NUP43: variants seen among roughly 807,000 people sequenced by gnomAD.
The protein encoded by NUP43 is nucleoporin 43, also known as nucleoporin Nup43.
In NUP43, 32 loss-of-function variants were observed where a neutral mutation model predicts 47.3. The observed-to-expected ratio is 0.68, with a 90% CI of 0.51 to 0.91. NUP43 has a LOEUF of 0.91. NUP43 is among the 40% of genes least tolerant of loss of function. NUP43 has a pLI of 0.00. For missense variants in NUP43, 444 were observed against 453.9 expected, an observed-to-expected ratio of 0.98 and a Z score of 0.20; for synonymous variants, 147 against 158.4, an observed-to-expected ratio of 0.93 and a Z score of 0.54.
At chr6:149,735,165 C>CG (rs2115104669) in intron 6 of NUP43, among the ~76,000 whole-genome samples, 1 of 152,142 alleles carries the variant, frequency 6.6e-6, no homozygotes, top group African/African-American at 2.4e-5. Flanking sequence ...TGGACTCAAG[C>CG]AATCCTCCTG....
chr6:149,735,179 C>T (rs548375104), intron 6 of NUP43, among the ~76,000 whole-genome samples: 8 of 152,114 alleles, frequency 5.3e-5, no homozygotes, highest in South Asian at 2.1e-4. Context: ...CCTCCTGCCT[C>T]GGCCTCCTGA....
chr6:149,744,322 G>A (rs887820544), intron 2 of NUP43, among the ~76,000 whole-genome samples: 12 of 150,578 alleles, frequency 8.0e-5, no homozygotes, highest in Non-Finnish European at 1.3e-4. Context: ...TCAGGAGTTC[G>A]AGACCAGCCT....
chr6:149,746,276 G>C, intron 1 of NUP43, 100 bp downstream of exon 1: 3 of 1,526,956 alleles, frequency 2.0e-6, no homozygotes, highest in Non-Finnish European at 2.7e-6. Flanking sequence ...CTAAAAGTGC[G>C]AGAAGAACCA....
intron 2 of NUP43, among the ~76,000 whole-genome samples, chr6:149,744,711 C>T (rs985602802): frequency 1.3e-5 from 2 of 151,582 alleles, no homozygotes; most frequent in African/African-American, 4.8e-5. Context: ...TGGCATGTGC[C>T]TGTTGTCCCA....
rs535084776 is a variant in NUP43, at chr6:149,736,415, A to AT, written c.790+55dup. On this transcript the variant is annotated intron_variant, in intron 6 of 7. Coordinates refer to ENST00000340413, the MANE Select transcript of NUP43 (RefSeq NM_198887.3). The stretch of plus-strand genomic sequence containing the variant: ...CATGTATCATTATGGAAAGGTGCTT[A>AT]TTATATGTCATATAACTCACCCAAT... 1.6e-4 allele frequency: 206 copies of AT among 1,301,854 alleles called. No individual in the cohort carries two copies. The African/African-American group carries it at 2.6e-3, about 16-fold the overall frequency. The allele number at this position is 1,301,854 out of a possible 1,614,324, so 80.6% of individuals were successfully genotyped here.
Position 149,743,683 on chromosome 6 carries a change from T to A in NUP43, c.276A>T (p.Ser92=). 1 of 1,611,774 alleles carries A rather than the reference T, an allele frequency of 6.2e-7. No individual in the cohort carries two copies. Among genetic ancestry groups the A allele is most frequent in the Non-Finnish European group, 8.5e-7 (1 of 1,178,470 alleles). Residue 92 remains serine (S), a synonymous_variant, in exon 3 of 8, where the codon TCA becomes TCT. Transcript: ENST00000340413. ...FFDQERIVAA[S]STGCVTVFLH... is the part of the protein sequence containing the mutation. ...GGAAAACTGTTACACATCCTGTTGA[T>A]GAAGCAGCGACAATTCTTTCCTGGT...
chr6:149,746,259 G>A, intron 1 of NUP43, 117 bp downstream of exon 1: 1 of 1,464,776 alleles, frequency 6.8e-7, no homozygotes, highest in South Asian at 1.3e-5. Flanking sequence ...ACAGGGGTCC[G>A]GGGGACCTAA....
Position 149,738,798 on chromosome 6 carries a change from T to G in NUP43, c.503-20A>C, listed in dbSNP as rs1237406605. The G allele has an allele frequency of 1.4e-6, 2 of 1,450,962 alleles. No individual in the cohort carries two copies. The highest frequency in any genetic ancestry group is 2.5e-5 in the East Asian group (1 of 39,700). The allele number at this position is 1,450,962 out of a possible 1,614,324, so 89.9% of individuals were successfully genotyped here. ...CATTGTCTAAAAATTTAAAAAATGG[T>G]AGTATGTGTTAATGAGTCCCCTTTT... is the stretch of plus-strand genomic sequence containing the variant. On this transcript the variant is annotated intron_variant, in intron 4 of 7. Transcript: ENST00000340413.
intron 5 of NUP43, 41 bp from the exon 6 acceptor site, chr6:149,736,663 T>C (rs1350392286): frequency 6.6e-7 from 1 of 1,516,082 alleles, no homozygotes; most frequent in Non-Finnish European, 9.0e-7. Flanking sequence ...TCAAATAAAG[T>C]ATAATTTATC....
chr6:149,740,505 T>C (rs1785593708), intron 4 of NUP43, among the ~76,000 whole-genome samples: 1 of 152,050 alleles, frequency 6.6e-6, no homozygotes. Flanking sequence ...GGCGTGCGCC[T>C]GTAGTCCCAG....
chr6:149,737,390 C>T (rs1785424052), intron 5 of NUP43, among the ~76,000 whole-genome samples: 2 of 151,936 alleles, frequency 1.3e-5, no homozygotes, highest in Admixed American at 6.6e-5. Flanking sequence ...GAGCCTTTTG[C>T]CTCAGCCTCC....
At chr6:149,736,442 T>C in intron 6 of NUP43, 29 bp downstream of exon 6, 1 of 1,524,110 alleles carries the variant, frequency 6.6e-7, no homozygotes, top group Non-Finnish European at 8.9e-7. Context: ...TCACCCAATA[T>C]AAACTTTCTG....
At chr6:149,729,963 C>A (rs995794518) in intron 7 of NUP43, among the ~76,000 whole-genome samples, 1 of 151,744 alleles carries the variant, frequency 6.6e-6, no homozygotes, top group Non-Finnish European at 1.5e-5. Context: ...AGTGCATGGT[C>A]TTTGGCTGAC....
At position 149,742,540 on chromosome 6, in the gene NUP43, C is replaced by T. The variant is rs1189061841; in HGVS notation, c.352G>A (p.Ala118Thr). ...CTGCCAGGGCCTGTGTGGTAGTGAG[C>T]TGTAGTCCACTGCTGGTTGACTGAC... ...TLSVNQQWTTAHYHTGPGSPS... is the reference protein window; with the variant it reads ...TLSVNQQWTTTHYHTGPGSPS... Residue 118 changes from alanine (A) to threonine (T), a missense_variant, in exon 4 of 8, where the codon GCT (alanine) becomes ACT (threonine). Transcript: ENST00000340413. 4.3e-6 allele frequency: 7 copies of T among 1,614,120 alleles called. No homozygotes were observed. The highest frequency in any genetic ancestry group is 1.1e-5 in the South Asian group (1 of 91,086).
In NUP43 at chr6:149,742,445, C is replaced by T. The variant is rs1226454366; in HGVS notation, c.447G>A (p.Glu149=). The change falls in exon 4 of 8, where the codon GAG becomes GAA. Residue 149 remains glutamate, a synonymous_variant. Transcript: ENST00000340413. ...CTCTGAAGAGATTTATTCGACCATC[C>T]TCTCCAACTGTAACGATTTCTGGGT... ...CNNPEIVTVG[E]DGRINLFRAD... is the part of the protein sequence containing the mutation. 8 of 1,614,174 alleles carry T rather than the reference C, an allele frequency of 5.0e-6. No homozygotes were observed. The highest frequency in any genetic ancestry group is 5.9e-6 in the Non-Finnish European group (7 of 1,180,032).
intron 6 of NUP43, 130 bp from the exon 7 acceptor site, chr6:149,731,865 A>G (rs1785062721): frequency 1.1e-6 from 1 of 884,972 alleles, no homozygotes; most frequent in South Asian, 1.8e-5. Context: ...TCTGTCCTAA[A>G]AATTAAAGGC....
At chr6:149,728,236 T>G in intron 7 of NUP43, 1 of 977,962 alleles carries the variant, frequency 1.0e-6, no homozygotes, top group Non-Finnish European at 1.2e-6. Flanking sequence ...TTTTACTTTT[T>G]CACAGTGTCT....
At chr6:149,744,486 GCA>G (rs1785857182) in intron 2 of NUP43, among the ~76,000 whole-genome samples, 1 of 150,558 alleles carries the variant, frequency 6.6e-6, no homozygotes, top group South Asian at 2.1e-4. Flanking sequence ...TCGAGCCACT[GCA>G]CTCCAGCCTG....
intron 7 of NUP43, chr6:149,729,420 G>A (rs2115077591): frequency 2.0e-6 from 1 of 497,984 alleles, no homozygotes; most frequent in Non-Finnish European, 2.6e-6. Context: ...AATGGTGGGT[G>A]ACTGGAAGGC....
Sources: allele counts gnomAD v4.1 joint callset (sites outside exome capture counted in the v4.1 genomes callset), GRCh38; gene constraint gnomAD v4.1.1; transcripts MANE v1.5; gene names NCBI Gene and HGNC (gene_info 2026-07-23, HGNC 2026-07-21).